The following ADCY9 variants were observed in gnomAD, a reference collection of about 807,000 sequenced individuals.
ADCY9 encodes the protein adenylate cyclase 9.
ADCY9 carries 50 observed loss-of-function variants against 101.5 expected under a neutral mutation model. That is an observed-to-expected ratio of 0.49 (90% CI 0.39 to 0.62). ADCY9 has a LOEUF of 0.62. ADCY9 is among the 20% of genes least tolerant of loss of function. ADCY9 has a pLI of 0.00. For missense variants in ADCY9, 1,662 were observed against 1,800.4 expected (o/e 0.92, Z 1.39); for synonymous variants, 905 against 769.3 (o/e 1.18, Z -2.92).
chr16:4,065,499 T>A (rs1013863850), intron 2 of ADCY9, among the ~76,000 whole-genome samples: 3 of 152,210 alleles, frequency 2.0e-5, no homozygotes, highest in African/African-American at 7.2e-5. Flanking sequence ...GTGCGAAATC[T>A]GAAATAATGG....
intron 10 of ADCY9, among the ~76,000 whole-genome samples, chr16:3,970,449 C>G (rs1467120833): frequency 6.6e-6 from 1 of 152,128 alleles, no homozygotes; most frequent in African/African-American, 2.4e-5. Flanking sequence ...GCCTCAGCCT[C>G]CCGAGTAGCT....
intron 2 of ADCY9, among the ~76,000 whole-genome samples, chr16:4,026,057 T>G (rs140383953): frequency 1.1e-4 from 17 of 152,220 alleles, no homozygotes; most frequent in African/African-American, 3.6e-4. Flanking sequence ...TGGGTGAATA[T>G]AGAAATGAAT....
At chr16:4,022,605 T>A (rs983433622) in intron 2 of ADCY9, among the ~76,000 whole-genome samples, 2 of 151,310 alleles carry the variant, frequency 1.3e-5, no homozygotes, top group African/African-American at 4.8e-5. Flanking sequence ...TATCCGTGCA[T>A]ATGTGTATAC....
intron 2 of ADCY9, among the ~76,000 whole-genome samples, chr16:4,041,056 A>G (rs2056623266): frequency 6.6e-6 from 1 of 152,214 alleles, no homozygotes; most frequent in Admixed American, 6.5e-5. Flanking sequence ...AAAGCAGAGA[A>G]TCAAAGCCCA....
intron 2 of ADCY9, 139 bp downstream of exon 2, chr16:4,113,611 T>C: frequency 1.7e-6 from 2 of 1,149,072 alleles, no homozygotes; most frequent in Admixed American, 2.3e-5. Flanking sequence ...AAAGTCACAC[T>C]GACCCTGAGA....
At chr16:4,038,757 C>T (rs1465727895) in intron 2 of ADCY9, among the ~76,000 whole-genome samples, 1 of 151,958 alleles carries the variant, frequency 6.6e-6, no homozygotes, top group Admixed American at 6.6e-5. Context: ...GCCTCCAGGT[C>T]ACTTTCTTCT....
intron 5 of ADCY9, among the ~76,000 whole-genome samples, chr16:3,955,668 C>T (rs1308783686): frequency 6.6e-6 from 1 of 151,820 alleles, no homozygotes; most frequent in Non-Finnish European, 1.5e-5. Flanking sequence ...CCTGTCTCAG[C>T]CTCCAGAGTA....
chr16:4,005,171 C>T (rs527895730), intron 3 of ADCY9, among the ~76,000 whole-genome samples: 1 of 152,146 alleles, frequency 6.6e-6, no homozygotes, highest in Non-Finnish European at 1.5e-5. Context: ...AGTAAAGAAA[C>T]CCTTTCTGTG....
At position 4,047,473 on chromosome 16, in the gene ADCY9, T is replaced by TA. The variant is rs200823744; in HGVS notation, c.1694-39916dup. On this transcript the variant is annotated intron_variant, in intron 2 of 10. Transcript: ENST00000294016. ...ACACAGCTGTTACGAAGACATTATT[T>TA]AAAAAAATCTTCAGTTCTCCCTGGG... Among the ~76,000 whole-genome samples the TA allele has an allele frequency of 3.8e-3, 529 of 138,890 alleles. 6 individuals are homozygous for TA. The highest frequency in any genetic ancestry group is 0.028 in the East Asian group (147 of 5,178). The allele number at this position is 138,890 out of a possible 152,430, so 91.1% of individuals were successfully genotyped here.
rs1470429179 is a variant in ADCY9, at chr16:4,051,766, T to A, written c.1694-44208A>T. Reference sequence around the variant, plus strand: ...CTCCAGCTTGCAGTGGAATGCCAACTAATCAATGCAAAAGAAACAATGCAA... The same window carrying A: ...CTCCAGCTTGCAGTGGAATGCCAACAAATCAATGCAAAAGAAACAATGCAA... On this transcript the variant is annotated intron_variant, in intron 2 of 10. Coordinates refer to ENST00000294016, the MANE Select transcript of ADCY9 (RefSeq NM_001116.4). 8.5e-5 allele frequency among the ~76,000 whole-genome samples: 13 copies of A among 152,178 alleles called. No individual in the cohort carries two copies. The East Asian group carries it at 2.5e-3, about 29-fold the overall frequency.
At chr16:4,026,293 C>T (rs766820534) in intron 2 of ADCY9, among the ~76,000 whole-genome samples, 3 of 151,736 alleles carry the variant, frequency 2.0e-5, no homozygotes, top group Non-Finnish European at 2.9e-5. Flanking sequence ...GGCATGGTGG[C>T]GTCACCTGTA....
At chr16:4,079,812 A>T (rs1409024056) in intron 2 of ADCY9, among the ~76,000 whole-genome samples, 2 of 151,930 alleles carry the variant, frequency 1.3e-5, no homozygotes, top group African/African-American at 2.4e-5. Context: ...AAGTCTAAAA[A>T]CCTCATGTTG....
chr16:4,064,803 CA>C (rs796766739), intron 2 of ADCY9, among the ~76,000 whole-genome samples: 20 of 144,104 alleles, frequency 1.4e-4, no homozygotes, highest in East Asian at 2.0e-4. Context: ...TGTTTGCTTA[CA>C]AAAAAAAAAG....
intron 3 of ADCY9, among the ~76,000 whole-genome samples, chr16:4,006,242 T>C (rs1033818119): frequency 6.6e-6 from 1 of 152,158 alleles, no homozygotes; most frequent in Non-Finnish European, 1.5e-5. Flanking sequence ...GCCAGCCATC[T>C]GACAGTGCAC....
At chr16:4,111,825 A>G (rs1164169567) in intron 2 of ADCY9, among the ~76,000 whole-genome samples, 1 of 148,490 alleles carries the variant, frequency 6.7e-6, no homozygotes, top group Non-Finnish European at 1.5e-5. Flanking sequence ...GGTTTAAAAA[A>G]AAAAAAACAC....
intron 2 of ADCY9, 79 bp downstream of exon 2, chr16:4,113,671 G>A: frequency 6.6e-7 from 1 of 1,515,920 alleles, no homozygotes; most frequent in Non-Finnish European, 8.8e-7. Flanking sequence ...TGCAGACACT[G>A]AGGCTGGAAG....
At chr16:4,060,349 C>T (rs1220156080) in intron 2 of ADCY9, among the ~76,000 whole-genome samples, 2 of 152,176 alleles carry the variant, frequency 1.3e-5, no homozygotes, top group East Asian at 3.9e-4. Flanking sequence ...CTGAAGAGGG[C>T]CCTGGTTATC....
intron 2 of ADCY9, among the ~76,000 whole-genome samples, chr16:4,094,771 G>A (rs1037822404): frequency 4.6e-5 from 7 of 152,096 alleles, no homozygotes; most frequent in Non-Finnish European, 7.3e-5. Context: ...AGGAGGAAAA[G>A]CTTTCATGTG....
chr16:4,016,352 T>A (rs2056438551), intron 2 of ADCY9, among the ~76,000 whole-genome samples: 1 of 152,128 alleles, frequency 6.6e-6, no homozygotes, highest in African/African-American at 2.4e-5. Context: ...ATACCAGAAC[T>A]GAAACAGACC....
Sources: allele counts gnomAD v4.1 joint callset (sites outside exome capture counted in the v4.1 genomes callset), GRCh38; gene constraint gnomAD v4.1.1; transcripts MANE v1.5; gene names NCBI Gene and HGNC (gene_info 2026-07-23, HGNC 2026-07-21).